Variants in MTA3 observed in about 807,000 individuals in gnomAD.
MTA3 encodes the protein metastasis-associated protein MTA3.
Under a neutral mutation model 83.5 loss-of-function variants are expected in MTA3, and 34 were observed. The observed-to-expected ratio is 0.41, with a 90% CI of 0.31 to 0.54. MTA3 has a LOEUF of 0.54. Ranked by LOEUF, MTA3 falls within the 20% of genes least tolerant of loss-of-function variation. The probability of loss-of-function intolerance (pLI) is 0.33; values close to 1 mark genes in which losing one functional copy is unlikely to be tolerated. For missense variants in MTA3, 761 were observed against 726.4 expected (o/e 1.05, Z -0.55); for synonymous variants, 303 against 252.7 (o/e 1.20, Z -1.89).
At chr2:42,532,789 C>T (rs745697400) in intron 2 of MTA3, 33 of 346,896 alleles carry the variant, frequency 9.5e-5, no homozygotes, top group Non-Finnish European at 1.7e-4. Context: ...GGAATGGGTT[C>T]CAGCAGCTCG....
chr2:42,695,011 C>T (rs1693247562), intron 9 of MTA3, among the ~76,000 whole-genome samples: 1 of 152,068 alleles, frequency 6.6e-6, no homozygotes, highest in African/African-American at 2.4e-5. Context: ...CATGGTGTCA[C>T]ACCTATAGTC....
At chr2:42,562,087 TCCCA>T (rs1465330942) in intron 2 of MTA3, among the ~76,000 whole-genome samples, 56 of 152,274 alleles carry the variant, frequency 3.7e-4, no homozygotes, top group Middle Eastern at 3.4e-3. Context: ...GCTGCATAAG[TCCCA>T]TCTCTGCGTC....
intron 2 of MTA3, among the ~76,000 whole-genome samples, chr2:42,535,781 C>G (rs1352345798): frequency 6.6e-6 from 1 of 152,036 alleles, no homozygotes; most frequent in East Asian, 1.9e-4. Flanking sequence ...CTGAAAGGAT[C>G]CTGGGGGTGG....
chr2:42,612,473 C>G lies in MTA3; in HGVS notation c.317+2889C>G, dbSNP rs112154053. ...TAAAGTGATCTGCCCACCTTGGCCTCCCAAAGTGCTGGGATTACAGGTGTG... is the reference window on the plus strand; with the variant it reads ...TAAAGTGATCTGCCCACCTTGGCCTGCCAAAGTGCTGGGATTACAGGTGTG... On this transcript the variant is annotated intron_variant, in intron 4 of 16. Coordinates refer to ENST00000405094, the MANE Select transcript of MTA3 (RefSeq NM_001330442.2). Among the ~76,000 whole-genome samples the G allele has an allele frequency of 1.2e-4, 18 of 152,232 alleles. 1 individual carries two copies. Among genetic ancestry groups the G allele is most frequent in the African/African-American group, 4.3e-4 (18 of 41,546 alleles).
chr2:42,600,991 C>A (rs1025533491), intron 3 of MTA3, among the ~76,000 whole-genome samples: 1 of 152,124 alleles, frequency 6.6e-6, no homozygotes, highest in African/African-American at 2.4e-5. Flanking sequence ...ACTGCAACCT[C>A]CGCCTCCCGG....
intron 16 of MTA3, among the ~76,000 whole-genome samples, chr2:42,744,600 A>C (rs1669276559): frequency 1.3e-5 from 2 of 151,816 alleles, no homozygotes; most frequent in South Asian, 4.1e-4. Context: ...TGTAGCTCTG[A>C]CTTGAGAGCT....
chr2:42,512,188 G>C (rs2103671168), intron 2 of MTA3, among the ~76,000 whole-genome samples: 1 of 149,080 alleles, frequency 6.7e-6, no homozygotes, highest in African/African-American at 2.5e-5. Context: ...ACCTCAACTT[G>C]ATGACTGGCA....
chr2:42,531,045 G>A (rs373293817), intron 2 of MTA3, among the ~76,000 whole-genome samples: 13 of 152,312 alleles, frequency 8.5e-5, no homozygotes, highest in African/African-American at 3.1e-4. Context: ...GGCCAGGCTG[G>A]TCCTGAACTC....
At chr2:42,585,625 C>G (rs1053138694) in intron 3 of MTA3, among the ~76,000 whole-genome samples, 2 of 151,890 alleles carry the variant, frequency 1.3e-5, no homozygotes, top group African/African-American at 4.8e-5. Context: ...CAGATGTGTG[C>G]CACCACGCCT....
At chr2:42,624,577 C>T (rs1243043145) in intron 4 of MTA3, among the ~76,000 whole-genome samples, 3 of 152,194 alleles carry the variant, frequency 2.0e-5, no homozygotes, top group Admixed American at 6.5e-5. Flanking sequence ...CCACCTGCCT[C>T]GGCCTCCCAA....
chr2:42,573,594 T>G (rs1281210149), intron 2 of MTA3, among the ~76,000 whole-genome samples: 1 of 152,192 alleles, frequency 6.6e-6, no homozygotes, highest in Non-Finnish European at 1.5e-5. Flanking sequence ...CACTGCAACC[T>G]CTGTCTCCTG....
chr2:42,601,514 G>C (rs1682572494), intron 3 of MTA3, among the ~76,000 whole-genome samples: 1 of 152,204 alleles, frequency 6.6e-6, no homozygotes, highest in Non-Finnish European at 1.5e-5. Flanking sequence ...TCTCCGTCAA[G>C]TGACCCTCTC....
At chr2:42,741,396 T>G (rs1332461286) in intron 16 of MTA3, among the ~76,000 whole-genome samples, 1 of 152,240 alleles carries the variant, frequency 6.6e-6, no homozygotes, top group East Asian at 1.9e-4. Flanking sequence ...CAAGTTGCAT[T>G]CACCACTTGG....
chr2:42,721,598 G>A (rs988079886), intron 15 of MTA3, among the ~76,000 whole-genome samples: 1 of 152,090 alleles, frequency 6.6e-6, no homozygotes, highest in South Asian at 2.1e-4. Context: ...CAAAGTACTG[G>A]GATTACGGAT....
At chr2:42,748,452 C>T (rs577682801) in intron 16 of MTA3, among the ~76,000 whole-genome samples, 32 of 152,198 alleles carry the variant, frequency 2.1e-4, no homozygotes, top group African/African-American at 6.7e-4. Context: ...TCATCAAGTT[C>T]GCTGATTATT....
At chr2:42,641,701 C>G (rs1396362072) in intron 5 of MTA3, among the ~76,000 whole-genome samples, 2 of 151,934 alleles carry the variant, frequency 1.3e-5, no homozygotes, top group Non-Finnish European at 2.9e-5. Context: ...CAAAAATTAG[C>G]TGGGCCATGC....
At chr2:42,709,251 G>T (rs1666393436) in intron 14 of MTA3, 155 bp downstream of exon 14, 2 of 1,425,682 alleles carry the variant, frequency 1.4e-6, no homozygotes, top group Non-Finnish European at 1.8e-6. Context: ...TTGTTTTTGT[G>T]TGCTGCCATT....
chr2:42,650,639 A>G (rs1688633280), intron 6 of MTA3, among the ~76,000 whole-genome samples: 1 of 151,952 alleles, frequency 6.6e-6, no homozygotes, highest in South Asian at 2.1e-4. Context: ...ACGGGGTTTC[A>G]AGGATGGTCT....
chr2:42,594,240 G>T (rs1389476790), intron 3 of MTA3, among the ~76,000 whole-genome samples: 3 of 92,340 alleles, frequency 3.2e-5, no homozygotes, highest in Non-Finnish European at 5.9e-5. Flanking sequence ...CATGCGCCAG[G>T]CCCCTTTTTT....
Sources: gnomAD v4.1 joint callset for allele counts (sites outside exome capture counted in the v4.1 genomes callset) on GRCh38, gnomAD v4.1.1 for gene constraint, MANE v1.5 for transcripts, NCBI Gene and HGNC (gene_info 2026-07-23, HGNC 2026-07-21) for gene names.